NEBL: variants seen among roughly 807,000 people sequenced by gnomAD.
NEBL encodes nebulette.
In NEBL, 122 loss-of-function variants were observed where a neutral mutation model predicts 140.2. That is an observed-to-expected ratio of 0.87 (90% CI 0.75 to 1.01). The LOEUF (loss-of-function observed/expected upper bound fraction) is 1.01. Ranked by LOEUF, NEBL falls within the 50% of genes least tolerant of loss-of-function variation. The probability of loss-of-function intolerance (pLI) is 0.00; values close to 1 mark genes in which losing one functional copy is unlikely to be tolerated. For synonymous variants in NEBL, 436 were observed against 398.9 expected (o/e 1.09, Z -1.11); for missense variants, 1,365 against 1,231.3 (o/e 1.11, Z -1.62).
At chr10:21,068,869 C>T (rs1242102610) in intron 2 of NEBL, among the ~76,000 whole-genome samples, 1 of 152,150 alleles carries the variant, frequency 6.6e-6, no homozygotes, top group Non-Finnish European at 1.5e-5. Context: ...GTCTCATCTT[C>T]ATCATGTTTG....
intron 2 of NEBL, among the ~76,000 whole-genome samples, chr10:20,891,807 TCACA>T (rs1021927907): frequency 5.3e-5 from 8 of 152,234 alleles, no homozygotes; most frequent in East Asian, 3.9e-4. Flanking sequence ...TTGTTAGAAG[TCACA>T]CACAATCATG....
At chr10:20,941,255 A>C (rs1834846363) in intron 4 of NEBL, among the ~76,000 whole-genome samples, 1 of 152,260 alleles carries the variant, frequency 6.6e-6, no homozygotes, top group Non-Finnish European at 1.5e-5. Flanking sequence ...AGTGGGCTTC[A>C]TCCCTGGGAT....
At chr10:20,883,073 A>C (rs775104633) in intron 4 of NEBL, among the ~76,000 whole-genome samples, 1 of 152,152 alleles carries the variant, frequency 6.6e-6, no homozygotes, top group Non-Finnish European at 1.5e-5. Context: ...CTTCAGCCCA[A>C]ATCCGAATTT....
intron 26 of NEBL, among the ~76,000 whole-genome samples, chr10:20,795,713 A>C (rs184859480): frequency 1.6e-3 from 241 of 152,288 alleles, no homozygotes; most frequent in Middle Eastern, 6.8e-3. Context: ...GACTTCAACC[A>C]CATTCCCACT....
intron 2 of NEBL, among the ~76,000 whole-genome samples, chr10:21,026,329 T>G (rs985062497): frequency 2.6e-5 from 1 of 38,594 alleles, no homozygotes; most frequent in Non-Finnish European, 1.4e-4. Context: ...CAGTACACTG[T>G]ACAGCCCCTC....
chr10:20,953,506 A>ATTTT lies in NEBL; in HGVS notation c.357+8162_357+8165dup, dbSNP rs146415247. On this transcript the variant is annotated intron_variant, in intron 4 of 6. Coordinates refer to the NEBL transcript ENST00000417816. ...CCTGAGCAGACTAAGACAAGCCCTA[A>ATTTT]TTTTTTTTTTTTTTTTTTTTTTGTA... Among the ~76,000 whole-genome samples the ATTTT allele has an allele frequency of 4.1e-4, 49 of 119,766 alleles. No individual in the cohort carries two copies. The East Asian group carries it at 4.8e-3, about 12-fold the overall frequency. The allele number at this position is 119,766 out of a possible 152,430, so 78.6% of individuals were successfully genotyped here.
At chr10:21,052,384 C>T (rs1234784959) in intron 2 of NEBL, among the ~76,000 whole-genome samples, 1 of 152,194 alleles carries the variant, frequency 6.6e-6, no homozygotes, top group Non-Finnish European at 1.5e-5. Flanking sequence ...CCAACCACTT[C>T]CCAATTTTTC....
chr10:20,983,811 A>G (rs1837146863), intron 3 of NEBL, among the ~76,000 whole-genome samples: 1 of 152,336 alleles, frequency 6.6e-6, no homozygotes, highest in South Asian at 2.1e-4. Flanking sequence ...ACAATAAGGA[A>G]AAATGGCTAA....
intron 2 of NEBL, among the ~76,000 whole-genome samples, chr10:21,146,888 G>A (rs964946877): frequency 1.5e-4 from 23 of 152,114 alleles, no homozygotes; most frequent in African/African-American, 4.8e-4. Flanking sequence ...AACAGCTGTC[G>A]AAGCTCTGGG....
intron 1 of NEBL, chr10:21,172,521 G>T: frequency 6.9e-7 from 1 of 1,451,030 alleles, no homozygotes. Context: ...TACAATGCCA[G>T]TTCTCACCAG....
chr10:21,155,674 G>C (rs1751915), intron 2 of NEBL, among the ~76,000 whole-genome samples: 1 of 152,008 alleles, frequency 6.6e-6, no homozygotes. Context: ...TCACTGCATT[G>C]CTACAGCTCA....
rs533667850 is a variant in NEBL at position 20,786,006 on chromosome 10, A to G, written c.2869-83T>C. 8.5e-6 allele frequency: 11 copies of G among 1,295,044 alleles called. 1 individual carries two copies. The South Asian group carries it at 1.3e-4, about 15-fold the overall frequency. 80.2% of individuals were successfully genotyped at this position (1,295,044 alleles called of 1,614,324 possible). A position where few individuals can be genotyped will look rare whatever the true frequency, so the allele number is the denominator to read the frequency against. On this transcript the variant is annotated intron_variant, in intron 27 of 27. Transcript: ENST00000377122. ...CCAATCACAACACACCGACCCACAC[A>G]TAAAGTAACTATTAGGAATGTTTTC...
intron 9 of NEBL, among the ~76,000 whole-genome samples, chr10:20,853,894 T>C (rs1842794518): frequency 6.6e-6 from 1 of 152,202 alleles, no homozygotes; most frequent in Non-Finnish European, 1.5e-5. Context: ...GGAATTGAAA[T>C]GTTCCTAACA....
chr10:21,288,818 G>GTATATA (rs757155594), intron 1 of NEBL, among the ~76,000 whole-genome samples: 1,382 of 32,486 alleles, frequency 0.043, 69 homozygotes, highest in Non-Finnish European at 0.058. Context: ...ACGTGTGTGT[G>GTATATA]TGTATATATA....
chr10:21,198,241 C>G (rs1841682826), intron 3 of NEBL, among the ~76,000 whole-genome samples: 1 of 152,152 alleles, frequency 6.6e-6, no homozygotes, highest in African/African-American at 2.4e-5. Flanking sequence ...GTCCTCTTAG[C>G]TCATGAGAAA....
chr10:21,066,971 C>CT (rs56352671), intron 2 of NEBL, among the ~76,000 whole-genome samples: 34,707 of 111,956 alleles, frequency 0.31, 7,139 homozygotes, highest in African/African-American at 0.54. Flanking sequence ...AATAATTTAA[C>CT]TTTTTTTTTT....
At chr10:21,197,457 G>C (rs1841670001) in intron 3 of NEBL, among the ~76,000 whole-genome samples, 1 of 152,188 alleles carries the variant, frequency 6.6e-6, no homozygotes, top group Non-Finnish European at 1.5e-5. Context: ...AAATAGAGAA[G>C]GGGGCTGGAG....
intron 2 of NEBL, among the ~76,000 whole-genome samples, chr10:21,072,253 C>A (rs528121304): frequency 6.6e-6 from 1 of 152,254 alleles, no homozygotes; most frequent in African/African-American, 2.4e-5. Flanking sequence ...CCTCATAGCC[C>A]TCCCTTCTGC....
intron 2 of NEBL, among the ~76,000 whole-genome samples, chr10:21,138,529 C>T (rs146211712): frequency 1.3e-4 from 20 of 152,118 alleles, no homozygotes; most frequent in African/African-American, 3.4e-4. Context: ...AAAATGTCAT[C>T]GGGAGAGGTG....
Sources: gnomAD v4.1 joint callset for allele counts (sites outside exome capture counted in the v4.1 genomes callset) on GRCh38, gnomAD v4.1.1 for gene constraint, MANE v1.5 for transcripts, NCBI Gene and HGNC (gene_info 2026-07-23, HGNC 2026-07-21) for gene names.